The following IL1RAPL1 variants were observed in gnomAD, a reference collection of about 807,000 sequenced individuals.
IL1RAPL1 encodes interleukin-1 receptor accessory protein-like 1.
IL1RAPL1 carries 3 observed loss-of-function variants against 48.4 expected under a neutral mutation model. The ratio of observed to expected loss-of-function variants is 0.06; its 90% CI spans 0.03 to 0.16. The LOEUF is 0.16. Among genes scored for constraint, IL1RAPL1 ranks in the 10% least tolerant of loss-of-function variants. IL1RAPL1 has a pLI of 1.00. For missense variants in IL1RAPL1, 349 were observed against 530.6 expected, an observed-to-expected ratio of 0.66 and a Z score of 3.36; for synonymous variants, 185 against 187.7, an observed-to-expected ratio of 0.99 and a Z score of 0.12.
In IL1RAPL1 at chrX:29,128,388, G is replaced by A. The variant is rs143649694; in HGVS notation, c.83-154550G>A. Among the ~76,000 whole-genome samples the A allele has an allele frequency of 2.2e-3, 242 of 111,361 alleles. 1 individual carries two copies. The highest frequency in any genetic ancestry group is 7.6e-3 in the African/African-American group (232 of 30,629). On this transcript the variant is annotated intron_variant, in intron 2 of 10. Transcript: ENST00000378993. ...TTTACAGTTTTACCAATACACCTGA[G>A]TATTGAAGAACGTGCCATATTCTCT...
intron 3 of IL1RAPL1, among the ~76,000 whole-genome samples, chrX:29,290,540 A>G (rs1192417851): frequency 8.9e-6 from 1 of 112,310 alleles, no homozygotes; most frequent in African/African-American, 3.2e-5. Context: ...TATCTTTCCT[A>G]TAATTACTTC....
chrX:29,159,625 G>C (rs371678234), intron 2 of IL1RAPL1, among the ~76,000 whole-genome samples: 2 of 112,209 alleles, frequency 1.8e-5, no homozygotes, highest in Middle Eastern at 4.6e-3. Flanking sequence ...ACATCAATTG[G>C]ATAGCCCAGC....
At chrX:29,649,551 C>CAAGAT (rs1300367618) in intron 5 of IL1RAPL1, among the ~76,000 whole-genome samples, 1 of 111,364 alleles carries the variant, frequency 9.0e-6, no homozygotes, top group Non-Finnish European at 1.9e-5. Flanking sequence ...AGTATCCTTT[C>CAAGAT]AAGATAAAAA....
Position 29,340,039 on chromosome X carries a change from A to G in IL1RAPL1, c.363-56219A>G, listed in dbSNP as rs573033282. ...CTGTTGCATAGTAGGTGCTGAATAC[A>G]TGTTTTTCTGCCAACTGAAAGAATA... On this transcript the variant is annotated intron_variant, in intron 3 of 10. Transcript: ENST00000378993. Among the ~76,000 whole-genome samples the G allele has an allele frequency of 4.5e-5, 5 of 112,134 alleles. No homozygotes were observed. In the South Asian group the frequency reaches 1.9e-3, roughly 42 times the overall value.
At position 29,884,336 on chromosome X, in the gene IL1RAPL1, T is replaced by C. The variant is rs183689392; in HGVS notation, c.779-33128T>C. On this transcript the variant is annotated intron_variant, in intron 6 of 10. Coordinates refer to ENST00000378993, the MANE Select transcript of IL1RAPL1 (RefSeq NM_014271.4). ...GTTCAATTTAATAGTTAATGTGCCA[T>C]CCTCATCTTACTTGCCCCGAGAGCT... Among the ~76,000 whole-genome samples the C allele has an allele frequency of 6.3e-3, 704 of 111,187 alleles. 2 individuals carry two copies. Among genetic ancestry groups the C allele is most frequent in the South Asian group, 0.016 (40 of 2,551 alleles).
intron 6 of IL1RAPL1, among the ~76,000 whole-genome samples, chrX:29,780,508 A>AGG (rs1929314381): frequency 9.0e-6 from 1 of 111,398 alleles, no homozygotes; most frequent in Admixed American, 9.6e-5. Flanking sequence ...TTCTACCCTC[A>AGG]GCCTTCTATT....
At chrX:29,381,833 A>AATATATATATATATATATAT (rs35091339) in intron 3 of IL1RAPL1, among the ~76,000 whole-genome samples, 1 of 25,384 alleles carries the variant, frequency 3.9e-5, no homozygotes, top group African/African-American at 1.2e-4. Flanking sequence ...AAAAAAAAAA[A>AATATATATATATATATATAT]ATATATATAT....
At chrX:28,920,366 A>G (rs1171334504) in intron 2 of IL1RAPL1, among the ~76,000 whole-genome samples, 1 of 111,832 alleles carries the variant, frequency 8.9e-6, no homozygotes, top group African/African-American at 3.2e-5. Flanking sequence ...TGACAGTTTC[A>G]ATGATGTGGG....
chrX:28,604,419 A>C (rs764218208), intron 1 of IL1RAPL1, among the ~76,000 whole-genome samples: 1 of 111,646 alleles, frequency 9.0e-6, no homozygotes, highest in Admixed American at 9.5e-5. Context: ...CTTTAGGATT[A>C]CTGGAAAAAG....
chrX:28,997,870 C>A, intron 2 of IL1RAPL1, among the ~76,000 whole-genome samples: 1 of 111,174 alleles, frequency 9.0e-6, no homozygotes, highest in Non-Finnish European at 1.9e-5. Flanking sequence ...CTTTTAAAGC[C>A]AGTTTTGAAG....
intron 3 of IL1RAPL1, among the ~76,000 whole-genome samples, chrX:29,336,268 C>A (rs1445981556): frequency 1.2e-3 from 6 of 5,184 alleles, no homozygotes; most frequent in Non-Finnish European, 1.8e-3. Flanking sequence ...CATATATATG[C>A]CATATATATA....
At position 29,479,717 on chromosome X, in the gene IL1RAPL1, G is replaced by C. The variant is rs146869789; in HGVS notation, c.703+80409G>C. Among the ~76,000 whole-genome samples, 108 of 109,934 alleles carry C rather than the reference G, an allele frequency of 9.8e-4. 1 individual carries two copies. In the East Asian group the frequency reaches 0.029, roughly 29 times the overall value. On this transcript the variant is annotated intron_variant, in intron 5 of 10. Coordinates refer to ENST00000378993, the MANE Select transcript of IL1RAPL1 (RefSeq NM_014271.4). ...CAGAGTCCATTATATCACTCTGTGT[G>C]TCTTTGCATCCTCATAGCTTAGCTC...
At position 28,815,870 on chromosome X, in the gene IL1RAPL1, T is replaced by TAA. The variant is rs1444207714; in HGVS notation, c.82+26446_82+26447insAA. Among the ~76,000 whole-genome samples the TAA allele has an allele frequency of 1.8e-4, 14 of 76,088 alleles. No homozygotes were observed. In the Admixed American group the frequency reaches 2.1e-3, roughly 12 times the overall value. 66.1% of individuals were successfully genotyped at this position (76,088 alleles called of 115,157 possible). On this transcript the variant is annotated intron_variant, in intron 2 of 10. Transcript: ENST00000378993. ...ATATATATATATATATATATATATA[T>TAA]ATATATATATATATAATTTTTTTCT...
intron 2 of IL1RAPL1, among the ~76,000 whole-genome samples, chrX:28,820,806 C>G (rs1936928706): frequency 9.0e-6 from 1 of 111,316 alleles, no homozygotes; most frequent in African/African-American, 3.3e-5. Flanking sequence ...GACTCCTCAT[C>G]TGTCATCTGA....
chrX:29,473,714 A>G (rs1013286099), intron 5 of IL1RAPL1, among the ~76,000 whole-genome samples: 27 of 108,890 alleles, frequency 2.5e-4, no homozygotes, highest in African/African-American at 8.7e-4. Context: ...GGCTGGATCA[A>G]TTGGATTATG....
chrX:28,978,678 TTA>T (rs1925261494), intron 2 of IL1RAPL1, among the ~76,000 whole-genome samples: 1 of 111,864 alleles, frequency 8.9e-6, no homozygotes, highest in African/African-American at 3.3e-5. Context: ...ACTAGTCAGA[TTA>T]TGTGTTTTCC....
intron 2 of IL1RAPL1, among the ~76,000 whole-genome samples, chrX:29,037,913 G>A (rs1467694957): frequency 2.7e-5 from 3 of 111,491 alleles, no homozygotes; most frequent in South Asian, 3.8e-4. Context: ...TCTGACAAAC[G>A]AGGTTTCAAA....
intron 1 of IL1RAPL1, among the ~76,000 whole-genome samples, chrX:28,660,086 G>GGGGT (rs1934801680): frequency 1.3e-5 from 1 of 76,446 alleles, no homozygotes; most frequent in East Asian, 5.1e-4. Flanking sequence ...GAGTGAGGAT[G>GGGGT]GTGTGTGTGT....
rs183661432 is a variant in IL1RAPL1 at position 28,963,940 on chromosome X, C to T, written c.82+174515C>T. 4.3e-3 allele frequency among the ~76,000 whole-genome samples: 478 copies of T among 111,442 alleles called. 4 individuals are homozygous for T. The highest frequency in any genetic ancestry group is 0.015 in the African/African-American group (451 of 30,738). ...TTATATTTTTATATGTATCATTCTACTCAATTTTCTCTGTGTATTGTGCTT... is the reference window on the plus strand; with the variant it reads ...TTATATTTTTATATGTATCATTCTATTCAATTTTCTCTGTGTATTGTGCTT... On this transcript the variant is annotated intron_variant, in intron 2 of 10. Transcript: ENST00000378993.
Sources: gnomAD v4.1 joint callset for allele counts (sites outside exome capture counted in the v4.1 genomes callset) on GRCh38, gnomAD v4.1.1 for gene constraint, MANE v1.5 for transcripts, NCBI Gene and HGNC (gene_info 2026-07-23, HGNC 2026-07-21) for gene names.